The following DYM variants were observed in gnomAD, a reference collection of about 807,000 sequenced individuals.
DYM encodes the protein dyggve-Melchior-Clausen syndrome protein.
DYM carries 78 observed loss-of-function variants against 93.1 expected under a neutral mutation model. The observed-to-expected ratio is 0.84, with a 90% CI of 0.70 to 1.01. DYM has a LOEUF of 1.01. Among genes scored for constraint, DYM ranks in the 50% least tolerant of loss-of-function variants. DYM has a pLI of 0.00. For synonymous variants in DYM, 321 were observed against 319.7 expected (o/e 1.00, Z -0.04); for missense variants, 789 against 845.0 (o/e 0.93, Z 0.82).
At chr18:49,159,483 C>T (rs1175495976) in intron 15 of DYM, among the ~76,000 whole-genome samples, 3 of 152,158 alleles carry the variant, frequency 2.0e-5, no homozygotes, top group Admixed American at 6.6e-5. Context: ...CCAGAGTTAA[C>T]GGTATCTTAG....
intron 13 of DYM, among the ~76,000 whole-genome samples, chr18:49,219,733 A>T (rs76380530): frequency 6.6e-6 from 1 of 151,286 alleles, no homozygotes; most frequent in Non-Finnish European, 1.5e-5. Context: ...CTCTCAATAA[A>T]TTAGGTATTG....
intron 17 of DYM, among the ~76,000 whole-genome samples, chr18:49,095,158 A>G (rs559743747): frequency 6.6e-6 from 1 of 152,346 alleles, no homozygotes; most frequent in East Asian, 1.9e-4. Context: ...ATGTAGTATC[A>G]TGTAAACATT....
intron 13 of DYM, among the ~76,000 whole-genome samples, chr18:49,247,969 C>T (rs2094206511): frequency 6.6e-6 from 1 of 152,202 alleles, no homozygotes; most frequent in South Asian, 2.1e-4. Flanking sequence ...ATTTTCAAGA[C>T]AAACATTCCT....
intron 14 of DYM, among the ~76,000 whole-genome samples, chr18:49,191,424 C>A (rs988024389): frequency 6.6e-6 from 1 of 151,726 alleles, no homozygotes; most frequent in Non-Finnish European, 1.5e-5. Flanking sequence ...TCCACTATTA[C>A]TTTGAGAAGA....
intron 14 of DYM, among the ~76,000 whole-genome samples, chr18:49,208,178 A>G: frequency 9.0e-6 from 1 of 111,406 alleles, no homozygotes; most frequent in Admixed American, 9.4e-5. Context: ...GCAAGACTCC[A>G]TCTCAAAAAA....
At chr18:49,201,248 T>A (rs1393445923) in intron 14 of DYM, among the ~76,000 whole-genome samples, 1 of 152,186 alleles carries the variant, frequency 6.6e-6, no homozygotes, top group East Asian at 1.9e-4. Flanking sequence ...ATAACACAGT[T>A]CCTACTAATA....
chr18:49,429,091 A>G (rs983711972), intron 2 of DYM, among the ~76,000 whole-genome samples: 1 of 152,194 alleles, frequency 6.6e-6, no homozygotes, highest in African/African-American at 2.4e-5. Context: ...GAAGCTGCTC[A>G]TATTTCTTGC....
chr18:49,182,948 T>C (rs1012695201), intron 14 of DYM, among the ~76,000 whole-genome samples: 1 of 152,208 alleles, frequency 6.6e-6, no homozygotes, highest in African/African-American at 2.4e-5. Flanking sequence ...TGGTTGGAAG[T>C]GAATAGTGAT....
intron 17 of DYM, among the ~76,000 whole-genome samples, chr18:49,059,226 G>C (rs1032529657): frequency 6.6e-6 from 1 of 152,184 alleles, no homozygotes. Flanking sequence ...AGAGGGTGCT[G>C]TCTACGAACC....
chr18:49,297,016 C>T lies in DYM; in HGVS notation c.764-10400G>A, dbSNP rs548874835. ...ACTTAATTTATTCCTTCACAAAGTA[C>T]TTACTGAAGGATGTTTTTAAAGTGT... On this transcript the variant is annotated intron_variant, in intron 8 of 17. Coordinates refer to ENST00000675505, the MANE Select transcript of DYM (RefSeq NM_001353214.3). Among the ~76,000 whole-genome samples the T allele has an allele frequency of 3.4e-4, 52 of 152,246 alleles. No individual in the cohort carries two copies. The South Asian group carries it at 0.01, about 30-fold the overall frequency.
chr18:49,175,353 T>C (rs984649769), intron 14 of DYM, among the ~76,000 whole-genome samples: 3 of 152,208 alleles, frequency 2.0e-5, no homozygotes, highest in Non-Finnish European at 4.4e-5. Context: ...TCTTAGTTGA[T>C]TTTAGTTTAA....
intron 8 of DYM, among the ~76,000 whole-genome samples, chr18:49,317,418 T>C (rs1286161875): frequency 1.3e-5 from 2 of 152,018 alleles, no homozygotes; most frequent in African/African-American, 4.8e-5. Context: ...TTGGCAGGGG[T>C]GCAGAAGTAG....
rs73445714 is a variant in DYM at position 49,332,173 on chromosome 18, T to G, written c.621-167A>C. Among the ~76,000 whole-genome samples, 16,194 of 152,258 alleles carry G rather than the reference T, an allele frequency of 0.11. 1,045 individuals carry two copies. Among genetic ancestry groups the G allele is most frequent in the East Asian group, 0.31 (1,597 of 5,184 alleles). On this transcript the variant is annotated intron_variant, in intron 7 of 17. Coordinates refer to ENST00000675505, the MANE Select transcript of DYM (RefSeq NM_001353214.3). ...GCACACAACAGTGAAGACCATGGGC[T>G]TTGAGAGCAATTTTGAGGCTTAATC...
rs185762386 is a variant in DYM, at chr18:49,452,599, C to T, written c.-54+7799G>A. Among the ~76,000 whole-genome samples the T allele has an allele frequency of 3.9e-3, 597 of 152,176 alleles. 3 individuals carry two copies. The highest frequency in any genetic ancestry group is 0.014 in the African/African-American group (579 of 41,544). ...GAGCTAGACACAGAGTGCTGACTGG[C>T]GTATCTACAATCCCTCAGCTAGACA... On this transcript the variant is annotated intron_variant, in intron 1 of 17. Transcript: ENST00000675505.
intron 13 of DYM, among the ~76,000 whole-genome samples, chr18:49,255,051 A>T (rs2094362679): frequency 1.3e-5 from 2 of 152,242 alleles, no homozygotes; most frequent in African/African-American, 4.8e-5. Context: ...AATAGAATGT[A>T]TTAAGACCAG....
chr18:49,324,138 C>CAAAAAAAAAAAAAA lies in DYM; in HGVS notation c.763+7712_763+7725dup, dbSNP rs59640889. ...TGACAGAGCCAGATAGGCTCTGTCT[C>CAAAAAAAAAAAAAA]AAAAAAAAAAAAAAAAAAAAAAAAA... On this transcript the variant is annotated intron_variant, in intron 8 of 17. Coordinates refer to ENST00000675505, the MANE Select transcript of DYM (RefSeq NM_001353214.3). Among the ~76,000 whole-genome samples the CAAAAAAAAAAAAAA allele has an allele frequency of 2.4e-4, 13 of 54,438 alleles. 1 individual carries two copies. Among genetic ancestry groups the CAAAAAAAAAAAAAA allele is most frequent in the Non-Finnish European group, 3.5e-4 (11 of 31,186 alleles). 35.7% of individuals were successfully genotyped at this position (54,438 alleles called of 152,430 possible).
intron 17 of DYM, among the ~76,000 whole-genome samples, chr18:49,046,469 CCA>C (rs527877702): frequency 2.7e-5 from 4 of 147,792 alleles, no homozygotes; most frequent in South Asian, 2.2e-4. Flanking sequence ...GCAGACACAC[CCA>C]CACACACACA....
At chr18:49,193,281 TCAC>T (rs2091146932) in intron 14 of DYM, among the ~76,000 whole-genome samples, 1 of 152,062 alleles carries the variant, frequency 6.6e-6, no homozygotes. Context: ...TTAGCTATTA[TCAC>T]CACTACTGGG....
At chr18:49,074,490 G>A (rs946750786) in intron 17 of DYM, among the ~76,000 whole-genome samples, 3 of 152,142 alleles carry the variant, frequency 2.0e-5, no homozygotes, top group African/African-American at 4.8e-5. Context: ...AGAGATAACT[G>A]TATTGTGCTT....
Sources: gnomAD v4.1 joint callset for allele counts (sites outside exome capture counted in the v4.1 genomes callset) on GRCh38, gnomAD v4.1.1 for gene constraint, MANE v1.5 for transcripts, NCBI Gene and HGNC (gene_info 2026-07-23, HGNC 2026-07-21) for gene names.